CIAO3: variants seen among roughly 807,000 people sequenced by gnomAD.
CIAO3 encodes the protein cytosolic iron-sulfur assembly component 3, also known as LET1 like/JFP15.
In CIAO3, 45 loss-of-function variants were observed where a neutral mutation model predicts 51.5. That is an observed-to-expected ratio of 0.87 (90% CI 0.69 to 1.12). The LOEUF is 1.12. CIAO3 is among the 50% of genes most tolerant of loss of function. The probability of loss-of-function intolerance (pLI) is 0.00; values close to 1 mark genes in which losing one functional copy is unlikely to be tolerated. For missense variants in CIAO3, 668 were observed against 632.5 expected (o/e 1.06, Z -0.60); for synonymous variants, 314 against 269.3 (o/e 1.17, Z -1.63).
rs1007788187 is a variant in CIAO3, at chr16:730,142, C to T, written c.*275G>A. 2.4e-5 allele frequency: 13 copies of T among 544,208 alleles called. No homozygotes were observed. The highest frequency in any genetic ancestry group is 1.3e-4 in the African/African-American group (7 of 52,874). The allele number at this position is 544,208 out of a possible 1,614,324, so 33.7% of individuals were successfully genotyped here. A position where few individuals can be genotyped will look rare whatever the true frequency, so the allele number is the denominator to read the frequency against. ...CAGCAAGGGCAGCACCTGTGGGCCT[C>T]GGCCCAGGGCCAACGGAACAGGCTC... On this transcript the variant is annotated 3_prime_UTR_variant, in exon 11 of 11. Coordinates refer to ENST00000251588, the MANE Select transcript of CIAO3 (RefSeq NM_022493.3).
chr16:737,866 C>T lies in CIAO3; in HGVS notation c.163-537G>A, dbSNP rs944428416. The T allele has an allele frequency of 3.4e-6, 4 of 1,180,622 alleles. No homozygotes were observed. The South Asian group carries it at 4.7e-5, about 14-fold the overall frequency. The allele number at this position is 1,180,622 out of a possible 1,614,324, so 73.1% of individuals were successfully genotyped here. On this transcript the variant is annotated intron_variant, in intron 2 of 10. Coordinates refer to ENST00000251588, the MANE Select transcript of CIAO3 (RefSeq NM_022493.3). This position sits in a 1 kb window ranked among gnomAD's most constrained non-coding sequence, Gnocchi z 5.3. ...ACAAGGTGTTCCAGTCGGGGGCCTC[C>T]GGGACATGCCTCAGCAACTTTTCTT...
At chr16:734,580 C>G (rs1426678272) in intron 5 of CIAO3, 157 bp downstream of exon 5, 2 of 1,367,934 alleles carry the variant, frequency 1.5e-6, no homozygotes, top group Non-Finnish European at 2.1e-6. Flanking sequence ...GCCTCTTCTC[C>G]AGAAAAGGCC....
intron 2 of CIAO3, 192 bp downstream of exon 2, chr16:739,451 G>A (rs1017794054): frequency 1.8e-5 from 11 of 624,128 alleles, no homozygotes; most frequent in Middle Eastern, 4.2e-4. Flanking sequence ...TTTGGCCTGG[G>A]TGCTGCTCAT....
At position 731,001 on chromosome 16, in the gene CIAO3, C is replaced by T; in HGVS notation, c.1035-1G>A. 1.2e-6 allele frequency: 2 copies of T among 1,612,602 alleles called. No individual in the cohort carries two copies. The highest frequency in any genetic ancestry group is 1.7e-6 in the Non-Finnish European group (2 of 1,179,848). On this transcript the variant is annotated splice_acceptor_variant, in intron 9 of 10. Coordinates refer to ENST00000251588, the MANE Select transcript of CIAO3 (RefSeq NM_022493.3). LOFTEE classifies it high-confidence loss of function. ...TGTCACCTCCTGGAAGTCTTTGTTC[C>T]TGGGGGGCACAGGCGGGGTTTGTCT...
In CIAO3 at chr16:734,340, G is replaced by C. The variant is rs950194723; in HGVS notation, c.582C>G (p.Ile194Met). The change falls in exon 6 of 11, where the codon ATC becomes ATG. Residue 194 changes from isoleucine (I) to methionine (M), a missense_variant. Coordinates refer to ENST00000251588, the MANE Select transcript of CIAO3 (RefSeq NM_022493.3). Reference sequence around the variant, plus strand: ...TGCCGTGAGTCTTCTCGGCATAGCAGATCCAGCCTGAGGTGACAGGGGGCA... The same window carrying C: ...TGCCGTGAGTCTTCTCGGCATAGCACATCCAGCCTGAGGTGACAGGGGGCA... ...PLLASACPGWICYAEKTHGSF... is the reference protein window; with the variant it reads ...PLLASACPGWMCYAEKTHGSF... The C allele has an allele frequency of 5.0e-6, 8 of 1,609,358 alleles. No homozygotes were observed. Among genetic ancestry groups the C allele is most frequent in the Non-Finnish European group, 6.8e-6 (8 of 1,179,244 alleles).
chr16:734,765 C>A lies in CIAO3; in HGVS notation c.546G>T (p.Ala182=). The part of the protein sequence containing the change: ...RFRGQADCRQ[A]LPLLASACPG... Reference sequence around the variant, plus strand: ...GGCAGGCAGAGGCCAGCAGGGGCAGCGCCTGTCTGCAGTCGGCCTGTCCTC... The same window carrying A: ...GGCAGGCAGAGGCCAGCAGGGGCAGAGCCTGTCTGCAGTCGGCCTGTCCTC... Residue 182 remains alanine (A), a synonymous_variant, in exon 5 of 11, where the codon GCG becomes GCT. Transcript: ENST00000251588. The A allele has an allele frequency of 6.2e-6, 10 of 1,611,670 alleles. No individual in the cohort carries two copies. The highest frequency in any genetic ancestry group is 7.6e-6 in the Non-Finnish European group (9 of 1,178,998).
intron 6 of CIAO3, chr16:733,654 C>G: frequency 1.7e-6 from 1 of 586,648 alleles, no homozygotes; most frequent in Admixed American, 3.2e-5. Flanking sequence ...CCTGCGCTCC[C>G]TAACAGCCAA....
intron 7 of CIAO3, chr16:732,640 TTTTC>T (rs1310069537): frequency 1.4e-5 from 7 of 510,532 alleles, no homozygotes; most frequent in Non-Finnish European, 2.5e-5. Flanking sequence ...GGCAGTCTGC[TTTTC>T]TTTTTTTTTT....
At chr16:738,058 C>T (rs1000006549) in intron 2 of CIAO3, 1 of 1,061,692 alleles carries the variant, frequency 9.4e-7, no homozygotes, top group African/African-American at 1.7e-5. Context: ...TCTGCTAGGC[C>T]TGTGTATCAC....
chr16:738,077 C>T, intron 2 of CIAO3: 4 of 1,041,826 alleles, frequency 3.8e-6, no homozygotes, highest in Non-Finnish European at 4.6e-6. Flanking sequence ...ACAATCTGAG[C>T]TCGCCTTGTA....
At position 737,284 on chromosome 16, in the gene CIAO3, C is replaced by G. The variant is rs376966046; in HGVS notation, c.208G>C (p.Asp70His). Reference protein sequence around the residue: ...RLEKAKVSLNDCLACSGCITS... With the variant: ...RLEKAKVSLNHCLACSGCITS... ...ATGCAGCCGCTGCACGCCAGGCAGTCGTTTAGCGAGACCTTGGCCTTCTCC... is the reference window on the plus strand; with the variant it reads ...ATGCAGCCGCTGCACGCCAGGCAGTGGTTTAGCGAGACCTTGGCCTTCTCC... Residue 70 changes from aspartate to histidine, a missense_variant, in exon 3 of 11, where the codon GAC becomes CAC. Physicochemically the swap from Asp to His is moderately conservative, Grantham distance 81. Coordinates refer to ENST00000251588, the MANE Select transcript of CIAO3 (RefSeq NM_022493.3). The surrounding 1 kb of genome is among the most constrained non-coding windows in gnomAD (Gnocchi z 5.3). 1.9e-6 allele frequency: 3 copies of G among 1,613,412 alleles called. No homozygotes were observed. Among genetic ancestry groups the G allele is most frequent in the Middle Eastern group, 3.3e-4 (2 of 6,060 alleles).
At chr16:732,179 T>G (rs903321425) in intron 8 of CIAO3, 122 bp downstream of exon 8, 3 of 1,077,868 alleles carry the variant, frequency 2.8e-6, no homozygotes, top group Non-Finnish European at 4.1e-6. Context: ...CGCCTGGCTA[T>G]CCAGCCACTT....
chr16:732,629 A>C, intron 7 of CIAO3: 1 of 560,092 alleles, frequency 1.8e-6, no homozygotes. Context: ...CCATCCTCTT[A>C]GGCAGTCTGC....
intron 6 of CIAO3, 128 bp downstream of exon 6, chr16:734,101 G>T: frequency 2.5e-6 from 2 of 804,708 alleles, no homozygotes; most frequent in East Asian, 2.5e-5. Flanking sequence ...AACAAGGGTG[G>T]AGGTGTGCTG....
intron 6 of CIAO3, chr16:733,746 A>G (rs555685779): frequency 2.5e-6 from 1 of 407,548 alleles, no homozygotes; most frequent in African/African-American, 2.0e-5. Context: ...TCACGGGGGA[A>G]CCAACCAGCT....
chr16:730,619 T>C lies in CIAO3; in HGVS notation c.1229A>G (p.Asp410Gly), dbSNP rs1435477081. ...LNGGGQLQAP[D>G]RPSRELLQHV... Reference sequence around the variant, plus strand: ...CTGGAGGAGCTCTCTGCTGGGCCTGTCTGGGGCCTGGAGCTGGCCCCCGCC... The same window carrying C: ...CTGGAGGAGCTCTCTGCTGGGCCTGCCTGGGGCCTGGAGCTGGCCCCCGCC... The change falls in exon 11 of 11, where the codon GAC becomes GGC. Residue 410 changes from aspartate to glycine, a missense_variant. Physicochemically the swap from Asp to Gly is moderately conservative, Grantham distance 94 (BLOSUM62 -1). Transcript: ENST00000251588. 9.9e-6 allele frequency: 16 copies of C among 1,610,270 alleles called. No individual in the cohort carries two copies. The South Asian group carries it at 1.4e-4, about 14-fold the overall frequency.
In CIAO3 at chr16:739,623, A is replaced by G; in HGVS notation, c.162+20T>C. 1 of 1,609,344 alleles carries G rather than the reference A, an allele frequency of 6.2e-7. No homozygotes were observed. Among genetic ancestry groups the G allele is most frequent in the Non-Finnish European group, 8.5e-7 (1 of 1,175,686 alleles). On this transcript the variant is annotated intron_variant, in intron 2 of 10. Coordinates refer to ENST00000251588, the MANE Select transcript of CIAO3 (RefSeq NM_022493.3). ...ATCAGCCGGGCAGGAGAGATGGTGGAGCAGCCTCCTGTGCCTTACTTGGTT... is the reference window on the plus strand; with the variant it reads ...ATCAGCCGGGCAGGAGAGATGGTGGGGCAGCCTCCTGTGCCTTACTTGGTT...
rs147322658 is a variant in CIAO3 at position 735,061 on chromosome 16, C to A, written c.440-190G>T. 5.4e-4 allele frequency: 387 copies of A among 717,292 alleles called. No homozygotes were observed. The African/African-American group carries it at 5.8e-3, about 11-fold the overall frequency. The allele number at this position is 717,292 out of a possible 1,614,324, so 44.4% of individuals were successfully genotyped here. On this transcript the variant is annotated intron_variant, in intron 4 of 10. Coordinates refer to ENST00000251588, the MANE Select transcript of CIAO3 (RefSeq NM_022493.3). ...CAAAGCCCCAGCCCCACTGTGGGGA[C>A]CTCCTAAAGCCACGTTGCCTCGGCA...
intron 4 of CIAO3, chr16:735,637 C>T (rs1400563660): frequency 6.6e-6 from 1 of 152,436 alleles, no homozygotes; most frequent in Non-Finnish European, 1.5e-5. Context: ...CAGAGCACTG[C>T]TCAGGCACCA....
Sources: allele counts gnomAD v4.1 joint callset, GRCh38; gene constraint gnomAD v4.1.1; non-coding constraint Gnocchi (gnomAD v3.1); transcripts MANE v1.5; gene names NCBI Gene and HGNC (gene_info 2026-07-23, HGNC 2026-07-21).